The following GRIA4 variants were observed in gnomAD, a reference collection of about 807,000 sequenced individuals.
GRIA4 encodes the protein glutamate receptor 4.
GRIA4 carries 34 observed loss-of-function variants against 104.0 expected under a neutral mutation model. The observed-to-expected ratio is 0.33, with a 90% CI of 0.25 to 0.44. The LOEUF is 0.44. Among genes scored for constraint, GRIA4 ranks in the 20% least tolerant of loss-of-function variants. The pLI, the probability that GRIA4 is intolerant of heterozygous loss-of-function variation, is 1.00. For synonymous variants in GRIA4, 386 were observed against 381.9 expected (o/e 1.01, Z -0.13); for missense variants, 750 against 1,096.5 (o/e 0.68, Z 4.46).
chr11:105,833,686 G>A (rs1281881883), intron 4 of GRIA4, among the ~76,000 whole-genome samples: 1 of 151,776 alleles, frequency 6.6e-6, no homozygotes, highest in Non-Finnish European at 1.5e-5. Context: ...ATACTAAGAG[G>A]CCAGAGTCAT....
chr11:105,834,959 A>G (rs1326871404), intron 4 of GRIA4, among the ~76,000 whole-genome samples: 1 of 152,058 alleles, frequency 6.6e-6, no homozygotes, highest in Non-Finnish European at 1.5e-5. Context: ...AGTTTCAATC[A>G]ATATATGTAT....
At chr11:105,728,490 T>C (rs1438519373) in intron 3 of GRIA4, among the ~76,000 whole-genome samples, 3 of 152,194 alleles carry the variant, frequency 2.0e-5, no homozygotes, top group Admixed American at 6.6e-5. Context: ...AACTCAGCTC[T>C]GGACCAAGCA....
At chr11:105,813,914 A>T (rs927191574) in intron 4 of GRIA4, among the ~76,000 whole-genome samples, 1 of 152,142 alleles carries the variant, frequency 6.6e-6, no homozygotes, top group Non-Finnish European at 1.5e-5. Flanking sequence ...CGGTTGCTTT[A>T]ATAGGTGGTC....
chr11:105,855,662 C>G (rs530308403), intron 4 of GRIA4, among the ~76,000 whole-genome samples: 2 of 152,056 alleles, frequency 1.3e-5, no homozygotes, highest in East Asian at 3.9e-4. Context: ...AAACACATTG[C>G]CTTTATTGTA....
chr11:105,753,918 G>A (rs1378346733), intron 4 of GRIA4, among the ~76,000 whole-genome samples: 3 of 152,080 alleles, frequency 2.0e-5, no homozygotes, highest in African/African-American at 4.8e-5. Context: ...TCCCAGGTGA[G>A]CCACCCTCCA....
In GRIA4 at chr11:105,813,581, T is replaced by C. The variant is rs922194192; in HGVS notation, c.488-48443T>C. Among the ~76,000 whole-genome samples the C allele has an allele frequency of 2.6e-5, 4 of 152,038 alleles. No individual in the cohort carries two copies. The East Asian group carries it at 7.7e-4, about 29-fold the overall frequency. On this transcript the variant is annotated intron_variant, in intron 4 of 16. Coordinates refer to ENST00000282499, the MANE Select transcript of GRIA4 (RefSeq NM_000829.4). ...AGGCTCTAGGAAAGCCCCTAACCAA[T>C]AAGGGTGGTAAGTGGATAGGTTCTG...
intron 3 of GRIA4, among the ~76,000 whole-genome samples, chr11:105,647,627 G>T (rs1456375269): frequency 1.3e-5 from 2 of 152,146 alleles, no homozygotes; most frequent in Non-Finnish European, 2.9e-5. Flanking sequence ...GAAAGAACGA[G>T]ATCATGTCCT....
intron 9 of GRIA4, among the ~76,000 whole-genome samples, chr11:105,909,546 A>G (rs1441644976): frequency 6.6e-6 from 1 of 152,100 alleles, no homozygotes; most frequent in Non-Finnish European, 1.5e-5. Flanking sequence ...ATGAATCCTC[A>G]TCTCTAAAAT....
At chr11:105,870,708 C>A (rs553277483) in intron 5 of GRIA4, among the ~76,000 whole-genome samples, 43 of 152,112 alleles carry the variant, frequency 2.8e-4, no homozygotes, top group Non-Finnish European at 5.3e-4. Flanking sequence ...TGGAGCCTAA[C>A]CACAGAGGGT....
At chr11:105,741,157 AT>A (rs1343571088) in intron 3 of GRIA4, among the ~76,000 whole-genome samples, 2 of 152,132 alleles carry the variant, frequency 1.3e-5, no homozygotes, top group African/African-American at 4.8e-5. Context: ...CATGTGTTAG[AT>A]GTGGAAATAA....
At chr11:105,931,405 T>A (rs1210141205) in intron 13 of GRIA4, among the ~76,000 whole-genome samples, 3 of 152,084 alleles carry the variant, frequency 2.0e-5, no homozygotes, top group Non-Finnish European at 4.4e-5. Context: ...TTTATCAACA[T>A]TTGAATATAA....
intron 3 of GRIA4, among the ~76,000 whole-genome samples, chr11:105,657,261 C>CT: frequency 6.6e-6 from 1 of 151,864 alleles, no homozygotes; most frequent in East Asian, 1.9e-4. Flanking sequence ...AACAAACAAG[C>CT]TTTTCAAAAG....
intron 4 of GRIA4, among the ~76,000 whole-genome samples, chr11:105,777,714 T>C (rs1441597397): frequency 6.6e-6 from 1 of 152,190 alleles, no homozygotes; most frequent in African/African-American, 2.4e-5. Context: ...AGCTTTTCCA[T>C]TCCATTTCAC....
At chr11:105,921,306 G>GGTGTGT (rs5794436) in intron 11 of GRIA4, among the ~76,000 whole-genome samples, 5,681 of 138,802 alleles carry the variant, frequency 0.041, 100 homozygotes, top group Middle Eastern at 0.046. Flanking sequence ...ACCACACTTG[G>GGTGTGT]GTGTGTGTGT....
In GRIA4 at chr11:105,662,157, A is replaced by G. The variant is rs371632402; in HGVS notation, c.247+49723A>G. Among the ~76,000 whole-genome samples the G allele has an allele frequency of 1.4e-3, 206 of 151,976 alleles. 1 individual carries two copies. Among genetic ancestry groups the G allele is most frequent in the African/African-American group, 4.8e-3 (200 of 41,536 alleles). On this transcript the variant is annotated intron_variant, in intron 3 of 16. Coordinates refer to ENST00000282499, the MANE Select transcript of GRIA4 (RefSeq NM_000829.4). ...TTGAGTCATAACGTAATCATTGTTG[A>G]TGCACTTATTGACTAAACTAGATTA...
At chr11:105,725,684 A>G (rs931299202) in intron 3 of GRIA4, among the ~76,000 whole-genome samples, 3 of 152,112 alleles carry the variant, frequency 2.0e-5, no homozygotes, top group Non-Finnish European at 2.9e-5. Context: ...TGCATTTGCA[A>G]CTGAGGAAAC....
chr11:105,655,752 T>A (rs1206483222), intron 3 of GRIA4, among the ~76,000 whole-genome samples: 1 of 152,162 alleles, frequency 6.6e-6, no homozygotes, highest in South Asian at 2.1e-4. Flanking sequence ...TTTGGGTTGG[T>A]TCCAAGTCTT....
chr11:105,610,870 C>CTTTTTTTTTTTTTTTTTTTT (rs55973528), intron 1 of GRIA4, 38 bp from the exon 2 acceptor site: 3 of 330,396 alleles, frequency 9.1e-6, no homozygotes, highest in African/African-American at 5.3e-5. Context: ...TCTTTCTTTT[C>CTTTTTTTTTTTTTTTTTTTT]TTTTTTTTTT....
chr11:105,709,164 C>T (rs1434659066), intron 3 of GRIA4, among the ~76,000 whole-genome samples: 1 of 151,998 alleles, frequency 6.6e-6, no homozygotes, highest in Non-Finnish European at 1.5e-5. Flanking sequence ...TCAGGAGCTA[C>T]AAATGAGTAG....
Sources: gnomAD v4.1 joint callset for allele counts (sites outside exome capture counted in the v4.1 genomes callset) on GRCh38, gnomAD v4.1.1 for gene constraint, MANE v1.5 for transcripts, NCBI Gene and HGNC (gene_info 2026-07-23, HGNC 2026-07-21) for gene names.